IMMP1L: variants seen among roughly 807,000 people sequenced by gnomAD.
The protein encoded by IMMP1L is inner mitochondrial membrane peptidase subunit 1, also known as mitochondrial inner membrane protease subunit 1.
In IMMP1L, 24 loss-of-function variants were observed where a neutral mutation model predicts 21.8. The ratio of observed to expected loss-of-function variants is 1.10; its 90% CI spans 0.80 to 1.55. IMMP1L has a LOEUF of 1.55. IMMP1L is among the 40% of genes most tolerant of loss of function. IMMP1L has a pLI of 0.00. For synonymous variants in IMMP1L, 46 were observed against 62.8 expected, an observed-to-expected ratio of 0.73 and a Z score of 1.26; for missense variants, 195 against 200.7, an observed-to-expected ratio of 0.97 and a Z score of 0.17.
chr11:31,454,306 ATTGTG>A (rs1953859910), intron 4 of IMMP1L, among the ~76,000 whole-genome samples: 1 of 151,936 alleles, frequency 6.6e-6, no homozygotes, highest in South Asian at 2.1e-4. Context: ...GGTTAACAAT[ATTGTG>A]TTGTGTATTT....
intron 1 of IMMP1L, among the ~76,000 whole-genome samples, chr11:31,464,821 C>T (rs895811623): frequency 5.9e-5 from 9 of 152,168 alleles, no homozygotes; most frequent in African/African-American, 2.2e-4. Context: ...ATGACAAACC[C>T]ACAGCTAATA....
intron 1 of IMMP1L, among the ~76,000 whole-genome samples, chr11:31,500,593 G>GCGCACACA (rs1554952088): frequency 5.4e-5 from 3 of 55,274 alleles, no homozygotes; most frequent in Non-Finnish European, 1.3e-4. Flanking sequence ...TTCCACATAT[G>GCGCACACA]CACACACACA....
intron 1 of IMMP1L, among the ~76,000 whole-genome samples, chr11:31,470,236 A>T (rs1189588790): frequency 6.6e-6 from 1 of 152,114 alleles, no homozygotes; most frequent in Admixed American, 6.5e-5. Flanking sequence ...CAACAAGGAG[A>T]AACCCCGTCT....
intron 4 of IMMP1L, among the ~76,000 whole-genome samples, chr11:31,447,883 T>C (rs1953587603): frequency 6.6e-6 from 1 of 152,214 alleles, no homozygotes; most frequent in Non-Finnish European, 1.5e-5. Flanking sequence ...AAGATTAAGT[T>C]GTTCACAAAA....
chr11:31,471,728 G>A (rs993585471), intron 1 of IMMP1L, among the ~76,000 whole-genome samples: 10 of 152,134 alleles, frequency 6.6e-5, no homozygotes, highest in Non-Finnish European at 1.5e-4. Flanking sequence ...CTGAGACTGG[G>A]AACTTTTAGC....
At chr11:31,463,689 G>A (rs953617996) in intron 1 of IMMP1L, among the ~76,000 whole-genome samples, 30 of 152,052 alleles carry the variant, frequency 2.0e-4, no homozygotes, top group Non-Finnish European at 8.8e-5. Context: ...CATGTAATAG[G>A]AAATAATGGA....
intron 4 of IMMP1L, among the ~76,000 whole-genome samples, chr11:31,436,676 C>T (rs369615391): frequency 1.8e-4 from 28 of 152,174 alleles, no homozygotes; most frequent in East Asian, 3.9e-4. Context: ...AAGCAATCCA[C>T]CCGCCTCAGC....
intron 4 of IMMP1L, among the ~76,000 whole-genome samples, chr11:31,448,316 C>T (rs1311509727): frequency 1.3e-5 from 2 of 151,936 alleles, no homozygotes; most frequent in African/African-American, 4.8e-5. Flanking sequence ...CTCCGAAAGA[C>T]AAAAATAAAT....
intron 1 of IMMP1L, among the ~76,000 whole-genome samples, chr11:31,494,520 C>T (rs1369804839): frequency 6.6e-6 from 1 of 152,202 alleles, no homozygotes; most frequent in Non-Finnish European, 1.5e-5. Flanking sequence ...AGGCATTTTC[C>T]CCATTGTCTT....
At chr11:31,484,684 C>A (rs575108562) in intron 1 of IMMP1L, among the ~76,000 whole-genome samples, 4 of 151,894 alleles carry the variant, frequency 2.6e-5, no homozygotes, top group South Asian at 4.1e-4. Context: ...TAGAAATTGC[C>A]AATTTGCATT....
intron 1 of IMMP1L, among the ~76,000 whole-genome samples, chr11:31,466,234 A>C (rs925884257): frequency 5.3e-5 from 8 of 152,024 alleles, no homozygotes; most frequent in Non-Finnish European, 4.4e-5. Context: ...AGTTAGATTG[A>C]TTATTATCAA....
In IMMP1L at chr11:31,433,574, G is replaced by A; in HGVS notation, c.322-4C>T. ...ACCAAACATGACCCATTGGCACCTA[G>A]AATTAGAGAAGAAATGCAGCCTCTT... On this transcript the variant is annotated splice_polypyrimidine_tract_variant and splice_region_variant and intron_variant, in intron 4 of 5. Coordinates refer to ENST00000532287, the MANE Select transcript of IMMP1L (RefSeq NM_001304274.2). 1 of 1,570,494 alleles carries A rather than the reference G, an allele frequency of 6.4e-7. No homozygotes were observed. The highest frequency in any genetic ancestry group is 8.7e-7 in the Non-Finnish European group (1 of 1,146,482).
At chr11:31,440,970 A>G (rs1953306122) in intron 4 of IMMP1L, among the ~76,000 whole-genome samples, 1 of 152,200 alleles carries the variant, frequency 6.6e-6, no homozygotes, top group South Asian at 2.1e-4. Flanking sequence ...GTTAAATAGA[A>G]TATCTTTCTT....
At chr11:31,484,281 T>G (rs1006542068) in intron 1 of IMMP1L, among the ~76,000 whole-genome samples, 2 of 151,956 alleles carry the variant, frequency 1.3e-5, no homozygotes, top group African/African-American at 4.8e-5. Context: ...AGATGTTGTA[T>G]AAACTTCCAG....
chr11:31,504,825 T>A (rs750268221), intron 1 of IMMP1L, among the ~76,000 whole-genome samples: 34 of 152,164 alleles, frequency 2.2e-4, no homozygotes, highest in Non-Finnish European at 3.8e-4. Flanking sequence ...TAATAGTTGA[T>A]CTCACAGAAG....
At position 31,463,253 on chromosome 11, in the gene IMMP1L, T is replaced by C; in HGVS notation, c.24A>G (p.Lys8=). 1.2e-6 allele frequency: 2 copies of C among 1,612,602 alleles called. No individual in the cohort carries two copies. Among genetic ancestry groups the C allele is most frequent in the Non-Finnish European group, 1.7e-6 (2 of 1,179,348 alleles). The part of the protein sequence containing the change: MLRGVLG[K]TFRLVGYTIQ... ...TAGTATAGCCAACAAGTCGAAAGGT[T>C]TTCCCCAGAACACCACGAAGCATAG... The change falls in exon 2 of 6, where the codon AAA becomes AAG. Residue 8 remains lysine (K), a synonymous_variant. Transcript: ENST00000532287.
chr11:31,471,885 G>T (rs994394426), intron 1 of IMMP1L, among the ~76,000 whole-genome samples: 2 of 152,048 alleles, frequency 1.3e-5, no homozygotes, highest in African/African-American at 2.4e-5. Flanking sequence ...GGTACCACTG[G>T]GCTAAAAAAT....
At chr11:31,434,587 G>A (rs1385150215) in intron 4 of IMMP1L, among the ~76,000 whole-genome samples, 2 of 151,930 alleles carry the variant, frequency 1.3e-5, no homozygotes, top group African/African-American at 4.8e-5. Context: ...GGTTTAATAA[G>A]AGATAATGCA....
At chr11:31,477,119 A>C (rs1374996029) in intron 1 of IMMP1L, 1 of 152,174 alleles carries the variant, frequency 6.6e-6, no homozygotes, top group African/African-American at 2.4e-5. Context: ...TATATTTCAA[A>C]TTATGTTTTA....
Sources: allele counts gnomAD v4.1 joint callset (sites outside exome capture counted in the v4.1 genomes callset), GRCh38; gene constraint gnomAD v4.1.1; transcripts MANE v1.5; gene names NCBI Gene and HGNC (gene_info 2026-07-23, HGNC 2026-07-21).